The following CHCHD6 variants were observed in gnomAD, a reference collection of about 807,000 sequenced individuals.
CHCHD6 encodes the protein coiled-coil-helix-coiled-coil-helix domain containing 6, also known as MICOS complex subunit MIC25.
A neutral mutation model predicts 32.3 loss-of-function variants in CHCHD6; 28 were observed. The observed-to-expected ratio is 0.87, with a 90% CI of 0.64 to 1.19. The LOEUF (loss-of-function observed/expected upper bound fraction) is 1.19, where lower values mean the gene tolerates loss of function less well. CHCHD6 is among the 50% of genes most tolerant of loss of function. The pLI, the probability that CHCHD6 is intolerant of heterozygous loss-of-function variation, is 0.00. For missense variants in CHCHD6, 333 were observed against 307.0 expected, an observed-to-expected ratio of 1.08 and a Z score of -0.63; for synonymous variants, 122 against 117.5, an observed-to-expected ratio of 1.04 and a Z score of -0.25.
intron 1 of CHCHD6, among the ~76,000 whole-genome samples, chr3:126,713,382 C>G (rs1322619679): frequency 1.3e-5 from 2 of 152,186 alleles, no homozygotes; most frequent in East Asian, 3.9e-4. Flanking sequence ...ATGTCTCCCC[C>G]TTGCCTCTTG....
intron 5 of CHCHD6, among the ~76,000 whole-genome samples, chr3:126,864,899 C>CCTCCTCCACCCTCTCCTT (rs1942204008): frequency 7.6e-6 from 1 of 130,764 alleles, no homozygotes. Context: ...ACCATCACCT[C>CCTCCTCCACCCTCTCCTT]CTCCTCCACC....
intron 1 of CHCHD6, among the ~76,000 whole-genome samples, chr3:126,707,867 C>T (rs868537327): frequency 2.1e-4 from 32 of 152,228 alleles, no homozygotes; most frequent in Admixed American, 7.2e-4. Flanking sequence ...TATTCCTCAC[C>T]TCAGTGAATG....
At chr3:126,935,160 T>C (rs1182140654) in intron 6 of CHCHD6, 2 of 987,538 alleles carry the variant, frequency 2.0e-6, no homozygotes, top group East Asian at 2.3e-4. Context: ...CCAGTGCCTT[T>C]GGAAACATTT....
chr3:126,914,636 G>A (rs2107590270), intron 5 of CHCHD6, 44 bp from the exon 6 acceptor site: 2 of 1,080,946 alleles, frequency 1.9e-6, no homozygotes, highest in East Asian at 2.4e-5. Flanking sequence ...AGAGCAGAGG[G>A]AAATTTCAGT....
At chr3:126,766,651 G>T in intron 4 of CHCHD6, 4 of 1,024,734 alleles carry the variant, frequency 3.9e-6, no homozygotes, top group South Asian at 1.3e-5. Flanking sequence ...CAGCTATGGT[G>T]CTCTCTCGGT....
chr3:126,880,797 T>C (rs1236559584), intron 5 of CHCHD6, among the ~76,000 whole-genome samples: 1 of 152,172 alleles, frequency 6.6e-6, no homozygotes, highest in African/African-American at 2.4e-5. Flanking sequence ...CATGTTTTAC[T>C]GGAAAATGTG....
At chr3:126,708,941 G>A (rs530324673) in intron 1 of CHCHD6, among the ~76,000 whole-genome samples, 6 of 152,176 alleles carry the variant, frequency 3.9e-5, no homozygotes, top group East Asian at 3.9e-4. Flanking sequence ...TCCATGGGTC[G>A]TTGGTTCCAG....
At chr3:126,899,752 T>C (rs1443128165) in intron 5 of CHCHD6, among the ~76,000 whole-genome samples, 1 of 152,216 alleles carries the variant, frequency 6.6e-6, no homozygotes, top group Non-Finnish European at 1.5e-5. Context: ...CATTTTGTGC[T>C]CTTGCTGCAG....
At chr3:126,714,002 G>A (rs957023110) in intron 1 of CHCHD6, among the ~76,000 whole-genome samples, 19 of 149,544 alleles carry the variant, frequency 1.3e-4, no homozygotes, top group Non-Finnish European at 2.4e-4. Context: ...GCATGAACCT[G>A]GGAGGCGGAG....
At chr3:126,775,498 G>A (rs1360922475) in intron 4 of CHCHD6, among the ~76,000 whole-genome samples, 1 of 152,154 alleles carries the variant, frequency 6.6e-6, no homozygotes, top group Non-Finnish European at 1.5e-5. Flanking sequence ...GCAATTATTG[G>A]AGCAGAGAAT....
intron 4 of CHCHD6, among the ~76,000 whole-genome samples, chr3:126,822,542 T>A (rs1245817759): frequency 6.6e-6 from 1 of 152,194 alleles, no homozygotes; most frequent in African/African-American, 2.4e-5. Context: ...CAATTTAGAT[T>A]ATTTGGGATT....
chr3:126,852,529 C>A, intron 4 of CHCHD6, 118 bp from the exon 5 acceptor site: 1 of 698,062 alleles, frequency 1.4e-6, no homozygotes, highest in Non-Finnish European at 2.6e-6. Flanking sequence ...GTTTTCAACT[C>A]ATTATTGCTA....
intron 5 of CHCHD6, among the ~76,000 whole-genome samples, chr3:126,858,018 A>T (rs1338376754): frequency 1.3e-5 from 2 of 152,204 alleles, no homozygotes; most frequent in East Asian, 3.9e-4. Flanking sequence ...TGGTAGTGTC[A>T]TTCACGATAG....
chr3:126,809,128 C>T (rs60040977), intron 4 of CHCHD6, among the ~76,000 whole-genome samples: 8,694 of 152,160 alleles, frequency 0.057, 782 homozygotes, highest in African/African-American at 0.19. Context: ...TATGCCACCA[C>T]GCCCAGCTAA....
intron 5 of CHCHD6, among the ~76,000 whole-genome samples, chr3:126,913,198 C>T (rs1009750565): frequency 4.6e-5 from 6 of 129,820 alleles, no homozygotes; most frequent in African/African-American, 1.5e-4. Context: ...TCATGCTGCC[C>T]GTATGAGCCT....
chr3:126,860,494 T>G (rs1941821927), intron 5 of CHCHD6, among the ~76,000 whole-genome samples: 1 of 152,092 alleles, frequency 6.6e-6, no homozygotes, highest in African/African-American at 2.4e-5. Flanking sequence ...ATACCTAACG[T>G]AAATGATGAG....
At chr3:126,755,242 C>T (rs1207016841) in intron 4 of CHCHD6, among the ~76,000 whole-genome samples, 16 of 152,136 alleles carry the variant, frequency 1.1e-4, no homozygotes, top group Admixed American at 9.2e-4. Context: ...AGGAGAGGTA[C>T]CAGGAGGGAT....
At chr3:126,752,044 G>A (rs1936748142) in intron 4 of CHCHD6, among the ~76,000 whole-genome samples, 1 of 152,212 alleles carries the variant, frequency 6.6e-6, no homozygotes, top group African/African-American at 2.4e-5. Flanking sequence ...TGAGGCCAGA[G>A]CTTAGAACCT....
intron 1 of CHCHD6, among the ~76,000 whole-genome samples, chr3:126,720,378 C>G (rs115535347): frequency 6.6e-6 from 1 of 152,178 alleles, no homozygotes; most frequent in Non-Finnish European, 1.5e-5. Flanking sequence ...GACACCCAAC[C>G]GGGGCTTCTA....
Sources: gnomAD v4.1 joint callset for allele counts (sites outside exome capture counted in the v4.1 genomes callset) on GRCh38, gnomAD v4.1.1 for gene constraint, MANE v1.5 for transcripts, NCBI Gene and HGNC (gene_info 2026-07-23, HGNC 2026-07-21) for gene names.